Variants in RASGRF2 observed in about 807,000 individuals in gnomAD.
The protein encoded by RASGRF2 is Ras protein specific guanine nucleotide releasing factor 2, also known as ras-specific guanine nucleotide-releasing factor 2.
A neutral mutation model predicts 151.0 loss-of-function variants in RASGRF2; 76 were observed. The ratio of observed to expected loss-of-function variants is 0.50; its 90% confidence interval spans 0.42 to 0.61. The LOEUF (loss-of-function observed/expected upper bound fraction) is 0.61. Among genes scored for constraint, RASGRF2 ranks in the 20% least tolerant of loss-of-function variants. The pLI is 0.00. For synonymous variants in RASGRF2, 504 were observed against 566.5 expected (o/e 0.89, Z 1.57); for missense variants, 1,148 against 1,564.6 (o/e 0.73, Z 4.49).
Position 81,070,549 on chromosome 5 carries a change from G to T in RASGRF2, c.601G>T (p.Asp201Tyr), listed in dbSNP as rs1002771799. The change falls in exon 4 of 27, where the codon GAC becomes TAC. Residue 201 changes from aspartate to tyrosine, a missense_variant. By Grantham distance (160) the Asp-to-Tyr change is radical. Coordinates refer to ENST00000265080, the MANE Select transcript of RASGRF2 (RefSeq NM_006909.3). Reference sequence around the variant, plus strand: ...GCGACCTTACCAAAGCAACCAAGAAGACGAAGATCCAGACATCAAGAAGAT... The same window carrying T: ...GCGACCTTACCAAAGCAACCAAGAATACGAAGATCCAGACATCAAGAAGAT... ...RMRPYQSNQE[D>Y]EDPDIKKIKK... is the part of the protein sequence containing the mutation. 6.2e-7 allele frequency: 1 copy of T among 1,610,954 alleles called. No homozygotes were observed.
chr5:80,963,922 A>G (rs1747642385), intron 1 of RASGRF2, among the ~76,000 whole-genome samples: 1 of 152,190 alleles, frequency 6.6e-6, no homozygotes, highest in Non-Finnish European at 1.5e-5. Context: ...GGTAAGTTAC[A>G]AGAAGAAAAC....
At chr5:81,148,560 T>G (rs1754057286) in intron 17 of RASGRF2, among the ~76,000 whole-genome samples, 1 of 151,508 alleles carries the variant, frequency 6.6e-6, no homozygotes, top group South Asian at 2.1e-4. Flanking sequence ...GCTAAACATG[T>G]AACAAAACCA....
chr5:81,101,732 T>A (rs1752704324), intron 12 of RASGRF2, among the ~76,000 whole-genome samples: 1 of 152,178 alleles, frequency 6.6e-6, no homozygotes, highest in Non-Finnish European at 1.5e-5. Context: ...TTTATATAAT[T>A]TAAAATATGA....
intron 1 of RASGRF2, among the ~76,000 whole-genome samples, chr5:81,039,057 T>G (rs545647485): frequency 2.0e-5 from 3 of 152,338 alleles, no homozygotes; most frequent in African/African-American, 7.2e-5. Flanking sequence ...ACAAATACTT[T>G]TCCATCCCAA....
chr5:80,973,583 G>A (rs1033788331), intron 1 of RASGRF2, among the ~76,000 whole-genome samples: 10 of 152,204 alleles, frequency 6.6e-5, no homozygotes, highest in African/African-American at 2.4e-4. Context: ...CTTGGAGGGC[G>A]AGCCAACCAG....
chr5:81,018,180 C>T (rs187406218), intron 1 of RASGRF2, among the ~76,000 whole-genome samples: 64 of 152,034 alleles, frequency 4.2e-4, no homozygotes, highest in African/African-American at 1.5e-3. Context: ...CAGTTGGTGC[C>T]CCACCAGCTG....
At chr5:81,145,782 G>T (rs1302003044) in intron 17 of RASGRF2, among the ~76,000 whole-genome samples, 1 of 152,178 alleles carries the variant, frequency 6.6e-6, no homozygotes, top group Non-Finnish European at 1.5e-5. Flanking sequence ...ATGGCCCTGA[G>T]CCCGATCCAC....
At chr5:81,013,879 A>T (rs984787374) in intron 1 of RASGRF2, among the ~76,000 whole-genome samples, 3 of 152,142 alleles carry the variant, frequency 2.0e-5, no homozygotes, top group African/African-American at 7.2e-5. Context: ...AGCTGTTATC[A>T]TAGTACCCTG....
At chr5:81,101,233 A>G (rs972469793) in intron 12 of RASGRF2, among the ~76,000 whole-genome samples, 47 of 152,252 alleles carry the variant, frequency 3.1e-4, no homozygotes, top group Non-Finnish European at 8.8e-5. Flanking sequence ...AACTGTATAC[A>G]GGCACCACTT....
In RASGRF2 at chr5:81,207,365, C is replaced by T. The variant is rs375532264; in HGVS notation, c.3071+16C>T. On this transcript the variant is annotated intron_variant, in intron 21 of 26. Transcript: ENST00000265080. ...TTCCCTACGAGTGAGTGCCACCCCC[C>T]ACAGCAGCAGGGCTCGGCTGCTCTA... 6.2e-7 allele frequency: 1 copy of T among 1,603,984 alleles called. No individual in the cohort carries two copies. The highest frequency in any genetic ancestry group is 2.2e-5 in the East Asian group (1 of 44,814).
chr5:81,077,821 G>A (rs1751982087), intron 5 of RASGRF2, among the ~76,000 whole-genome samples: 1 of 152,200 alleles, frequency 6.6e-6, no homozygotes, highest in South Asian at 2.1e-4. Context: ...GAGAAACAGG[G>A]TGGTACCTAG....
At chr5:81,139,258 C>T (rs1216315281) in intron 17 of RASGRF2, among the ~76,000 whole-genome samples, 2 of 152,028 alleles carry the variant, frequency 1.3e-5, no homozygotes, top group Non-Finnish European at 2.9e-5. Flanking sequence ...TACAACTTTG[C>T]TAAATTCATT....
Position 81,068,102 on chromosome 5 carries a change from A to T in RASGRF2, c.466A>T (p.Thr156Ser), listed in dbSNP as rs1751664428. Residue 156 changes from threonine to serine, a missense_variant, in exon 3 of 27, where the codon ACA (threonine) becomes TCA (serine). Transcript: ENST00000265080. ...CATTCATCTAGTTCAGATCGTAGAGACAGAAAAAATTGCAGCTAACCAACT... is the reference window on the plus strand; with the variant it reads ...CATTCATCTAGTTCAGATCGTAGAGTCAGAAAAAATTGCAGCTAACCAACT... ...KYIHLVQIVE[T>S]EKIAANQLRH... 6.2e-7 allele frequency: 1 copy of T among 1,613,886 alleles called. No homozygotes were observed. The highest frequency in any genetic ancestry group is 1.1e-5 in the South Asian group (1 of 91,042).
At chr5:81,095,530 C>T (rs1752522864) in intron 12 of RASGRF2, among the ~76,000 whole-genome samples, 1 of 152,156 alleles carries the variant, frequency 6.6e-6, no homozygotes, top group South Asian at 2.1e-4. Context: ...TGGGGAATTG[C>T]TCCATTTATT....
chr5:81,020,019 C>G (rs1749774611), intron 1 of RASGRF2, among the ~76,000 whole-genome samples: 1 of 152,158 alleles, frequency 6.6e-6, no homozygotes, highest in Non-Finnish European at 1.5e-5. Context: ...CATTTGTTCT[C>G]TGTAAAAACA....
intron 18 of RASGRF2, among the ~76,000 whole-genome samples, chr5:81,201,029 C>T (rs1187299557): frequency 6.6e-6 from 1 of 152,088 alleles, no homozygotes; most frequent in Non-Finnish European, 1.5e-5. Context: ...GGGCCAGGGC[C>T]TCGTAAGCTC....
chr5:81,051,413 A>G (rs184698443), intron 2 of RASGRF2, among the ~76,000 whole-genome samples: 123 of 152,334 alleles, frequency 8.1e-4, no homozygotes, highest in African/African-American at 2.8e-3. Context: ...AGGTTGTACA[A>G]CCATCACCAC....
chr5:81,104,787 C>A (rs1309525955), intron 12 of RASGRF2, among the ~76,000 whole-genome samples: 1 of 152,138 alleles, frequency 6.6e-6, no homozygotes, highest in African/African-American at 2.4e-5. Context: ...ACAGCTAAAC[C>A]CTGGATTGGC....
At chr5:81,027,400 AATG>A (rs1238994804) in intron 1 of RASGRF2, among the ~76,000 whole-genome samples, 1 of 152,122 alleles carries the variant, frequency 6.6e-6, no homozygotes, top group East Asian at 1.9e-4. Context: ...ACTGTTCTAG[AATG>A]TCTGTCAATT....
Sources: gnomAD v4.1 joint callset for allele counts (sites outside exome capture counted in the v4.1 genomes callset) on GRCh38, gnomAD v4.1.1 for gene constraint, MANE v1.5 for transcripts, NCBI Gene and HGNC (gene_info 2026-07-23, HGNC 2026-07-21) for gene names.